The following FAM135B variants were observed in gnomAD, a reference collection of about 807,000 sequenced individuals.
FAM135B encodes the protein protein FAM135B.
FAM135B carries 43 observed loss-of-function variants against 127.7 expected under a neutral mutation model. That is an observed-to-expected ratio of 0.34 (90% CI 0.26 to 0.43). The LOEUF is 0.43. Ranked by LOEUF, FAM135B falls within the 20% of genes least tolerant of loss-of-function variation. The pLI is 1.00. For synonymous variants in FAM135B, 670 were observed against 665.1 expected (o/e 1.01, Z -0.11); for missense variants, 1,558 against 1,725.6 (o/e 0.90, Z 1.72).
At chr8:138,134,965 C>T (rs563362398) in intron 19 of FAM135B, among the ~76,000 whole-genome samples, 8 of 152,212 alleles carry the variant, frequency 5.3e-5, no homozygotes, top group South Asian at 2.1e-4. Flanking sequence ...GAATTGTGCC[C>T]GGCCCATAAT....
At chr8:138,282,728 T>C (rs568015456) in intron 3 of FAM135B, among the ~76,000 whole-genome samples, 2 of 152,314 alleles carry the variant, frequency 1.3e-5, no homozygotes, top group South Asian at 4.2e-4. Context: ...ATTCACGACA[T>C]GTGGGAACGG....
At chr8:138,341,437 T>C (rs1227283311) in intron 2 of FAM135B, among the ~76,000 whole-genome samples, 2 of 152,190 alleles carry the variant, frequency 1.3e-5, no homozygotes, top group Admixed American at 6.5e-5. Flanking sequence ...TTAGTTAAAA[T>C]AGTTAGTGTT....
chr8:138,405,485 T>C (rs1430141562), intron 1 of FAM135B, among the ~76,000 whole-genome samples: 7 of 151,320 alleles, frequency 4.6e-5, no homozygotes, highest in Non-Finnish European at 8.8e-5. Context: ...GTCCTTCCGA[T>C]AGTTTACTGA....
intron 7 of FAM135B, among the ~76,000 whole-genome samples, chr8:138,204,843 C>A (rs1817435102): frequency 6.6e-6 from 1 of 152,070 alleles, no homozygotes. Flanking sequence ...TATTTTTTAA[C>A]CGAGAAATAT....
intron 6 of FAM135B, among the ~76,000 whole-genome samples, chr8:138,244,693 A>T (rs988051802): frequency 2.6e-5 from 4 of 152,278 alleles, no homozygotes; most frequent in Non-Finnish European, 5.9e-5. Flanking sequence ...GAAGAAAAGT[A>T]TAAAGTGTCT....
At chr8:138,271,176 T>C (rs1403052081) in intron 3 of FAM135B, among the ~76,000 whole-genome samples, 1 of 152,216 alleles carries the variant, frequency 6.6e-6, no homozygotes, top group Non-Finnish European at 1.5e-5. Flanking sequence ...TTACTTGAAA[T>C]ATCTGAAGAG....
intron 1 of FAM135B, among the ~76,000 whole-genome samples, chr8:138,454,507 G>C (rs1836667482): frequency 6.6e-6 from 1 of 152,210 alleles, no homozygotes; most frequent in Admixed American, 6.5e-5. Flanking sequence ...ACGAAACAGA[G>C]GAAGAAACTG....
intron 1 of FAM135B, among the ~76,000 whole-genome samples, chr8:138,399,751 CA>C (rs1833048858): frequency 6.6e-6 from 1 of 152,188 alleles, no homozygotes; most frequent in African/African-American, 2.4e-5. Flanking sequence ...AATAACTCCC[CA>C]GGCTGATGGA....
chr8:138,474,054 A>G (rs1814242059), intron 1 of FAM135B, among the ~76,000 whole-genome samples: 2 of 152,170 alleles, frequency 1.3e-5, no homozygotes, highest in Non-Finnish European at 2.9e-5. Context: ...GCAGAACTTT[A>G]AATAGATTCA....
chr8:138,471,638 A>G (rs1340519521), intron 1 of FAM135B, among the ~76,000 whole-genome samples: 1 of 152,186 alleles, frequency 6.6e-6, no homozygotes, highest in Non-Finnish European at 1.5e-5. Context: ...ATGCACTCCT[A>G]AAGAAATCCA....
chr8:138,363,034 G>A (rs1400543035), intron 2 of FAM135B, among the ~76,000 whole-genome samples: 1 of 152,178 alleles, frequency 6.6e-6, no homozygotes, highest in Non-Finnish European at 1.5e-5. Flanking sequence ...GTTGGGAGAG[G>A]AGGTTATACT....
At chr8:138,340,231 C>T (rs954321737) in intron 2 of FAM135B, among the ~76,000 whole-genome samples, 3 of 152,136 alleles carry the variant, frequency 2.0e-5, no homozygotes, top group African/African-American at 7.2e-5. Flanking sequence ...ACTGTCACTG[C>T]TAGAGAGAGC....
Position 138,242,171 on chromosome 8 carries a change from G to A in FAM135B, c.669+771C>T, listed in dbSNP as rs1167242368. On this transcript the variant is annotated intron_variant, in intron 7 of 19. Coordinates refer to ENST00000395297, the MANE Select transcript of FAM135B (RefSeq NM_015912.4). This position sits in a 1 kb window ranked among gnomAD's most constrained non-coding sequence, Gnocchi z 9.6. ...TTACTTATGATAAATCTCTTTGTGT[G>A]TGTGTGTGTGTGTGTGTGTGTGTGT... Among the ~76,000 whole-genome samples, 1 of 63,170 alleles carries A rather than the reference G, an allele frequency of 1.6e-5. No individual in the cohort carries two copies. The allele number at this position is 63,170 out of a possible 152,430, so 41.4% of individuals were successfully genotyped here. A position where few individuals can be genotyped will look rare whatever the true frequency, so the allele number is the denominator to read the frequency against.
intron 4 of FAM135B, among the ~76,000 whole-genome samples, chr8:138,259,823 T>G (rs1387503315): frequency 6.6e-6 from 1 of 152,188 alleles, no homozygotes; most frequent in Non-Finnish European, 1.5e-5. Flanking sequence ...ATCAGCACAG[T>G]GCCTGCCATA....
At chr8:138,362,846 T>A (rs750082909) in intron 2 of FAM135B, among the ~76,000 whole-genome samples, 1 of 152,240 alleles carries the variant, frequency 6.6e-6, no homozygotes, top group Non-Finnish European at 1.5e-5. Flanking sequence ...GCAGGGGCTC[T>A]ATCTTTTCAT....
At chr8:138,377,454 G>A (rs1831553067) in intron 1 of FAM135B, among the ~76,000 whole-genome samples, 1 of 152,160 alleles carries the variant, frequency 6.6e-6, no homozygotes, top group South Asian at 2.1e-4. Flanking sequence ...GGAAGTCCAA[G>A]AGCAGAGCAT....
intron 2 of FAM135B, among the ~76,000 whole-genome samples, chr8:138,326,104 TGC>T (rs1827783936): frequency 1.3e-5 from 2 of 152,136 alleles, no homozygotes; most frequent in Admixed American, 1.3e-4. Flanking sequence ...AACTGAAAAG[TGC>T]TTCCCCATCC....
intron 2 of FAM135B, among the ~76,000 whole-genome samples, chr8:138,331,584 C>T (rs931728229): frequency 1.3e-5 from 2 of 152,172 alleles, no homozygotes; most frequent in African/African-American, 2.4e-5. Context: ...CAAAACCCTA[C>T]ACTACAGAAA....
chr8:138,418,884 C>CAAAAAAAAAAAAAAAAAAAAAAAAAAAA (rs761615203), intron 1 of FAM135B, among the ~76,000 whole-genome samples: 1 of 116,332 alleles, frequency 8.6e-6, no homozygotes, highest in Non-Finnish European at 1.9e-5. Flanking sequence ...TCACCAACCA[C>CAAAAAAAAAAAAAAAAAAAAAAAAAAAA]AAAAAAAAAA....
Sources: allele counts gnomAD v4.1 joint callset (sites outside exome capture counted in the v4.1 genomes callset), GRCh38; gene constraint gnomAD v4.1.1; non-coding constraint Gnocchi (gnomAD v3.1); transcripts MANE v1.5; gene names NCBI Gene and HGNC (gene_info 2026-07-23, HGNC 2026-07-21).